Variants in ADGRL2 observed in about 807,000 individuals in gnomAD.
ADGRL2 encodes the protein adhesion G protein-coupled receptor L2.
ADGRL2 carries 44 observed loss-of-function variants against 157.4 expected under a neutral mutation model. The observed-to-expected ratio is 0.28, with a 90% CI of 0.22 to 0.36. The LOEUF (loss-of-function observed/expected upper bound fraction) is 0.36. ADGRL2 is among the 10% of genes least tolerant of loss of function. The pLI, the probability that ADGRL2 is intolerant of heterozygous loss-of-function variation, is 1.00. For missense variants in ADGRL2, 1,510 were observed against 1,768.9 expected, an observed-to-expected ratio of 0.85 and a Z score of 2.63; for synonymous variants, 585 against 624.7, an observed-to-expected ratio of 0.94 and a Z score of 0.95.
chr1:81,512,504 C>T (rs2079098072), intron 2 of ADGRL2, among the ~76,000 whole-genome samples: 1 of 152,016 alleles, frequency 6.6e-6, no homozygotes, highest in African/African-American at 2.4e-5. Context: ...TGATTCTACA[C>T]AATGTTAAAT....
chr1:81,830,392 CAT>C (rs748386003), intron 1 of ADGRL2, among the ~76,000 whole-genome samples: 3 of 152,176 alleles, frequency 2.0e-5, no homozygotes, highest in Non-Finnish European at 4.4e-5. Flanking sequence ...ACTATATTGA[CAT>C]AGTTTGCAAA....
At position 81,784,378 on chromosome 1, in the gene ADGRL2, A is replaced by T. The variant is rs569192952; in HGVS notation, c.-101+22526A>T. Among the ~76,000 whole-genome samples the T allele has an allele frequency of 5.3e-5, 8 of 152,330 alleles. No individual in the cohort carries two copies. In the South Asian group the frequency reaches 6.2e-4, roughly 12 times the overall value. On this transcript the variant is annotated intron_variant, in intron 2 of 20. Transcript: ENST00000359929. ...TCAAATGGTATTTACCATATTCTTGACTGTAGAATTTTAAATAAGAAGTGA... is the reference window on the plus strand; with the variant it reads ...TCAAATGGTATTTACCATATTCTTGTCTGTAGAATTTTAAATAAGAAGTGA...
chr1:81,487,906 G>T (rs546393589), intron 2 of ADGRL2, among the ~76,000 whole-genome samples: 1 of 152,000 alleles, frequency 6.6e-6, no homozygotes, highest in African/African-American at 2.4e-5. Flanking sequence ...GATACACATA[G>T]TAATATATTC....
At chr1:81,417,988 G>T (rs919427385) in intron 1 of ADGRL2, among the ~76,000 whole-genome samples, 3 of 152,054 alleles carry the variant, frequency 2.0e-5, no homozygotes, top group Non-Finnish European at 2.9e-5. Context: ...GGGCTCACTT[G>T]AAAATAACTC....
chr1:81,365,817 A>G (rs577653071), intron 1 of ADGRL2, among the ~76,000 whole-genome samples: 106 of 152,282 alleles, frequency 7.0e-4, no homozygotes, highest in African/African-American at 2.5e-3. Context: ...CATCTCTTTT[A>G]CTGACTAGCT....
rs908908308 is a variant in ADGRL2, at chr1:81,328,081, C to T, written c.-302+21572C>T. Among the ~76,000 whole-genome samples the T allele has an allele frequency of 9.9e-5, 15 of 152,048 alleles. No homozygotes were observed. The East Asian group carries it at 2.1e-3, about 22-fold the overall frequency. On this transcript the variant is annotated intron_variant, in intron 1 of 24. Transcript: ENST00000370721. ...GAAAGTAGTGTCCCAGAGAAGAACA[C>T]GACTACACTGCCTTTCATTCAAAGT...
At chr1:81,597,145 C>G (rs2081250440) in intron 3 of ADGRL2, among the ~76,000 whole-genome samples, 1 of 152,190 alleles carries the variant, frequency 6.6e-6, no homozygotes, top group Non-Finnish European at 1.5e-5. Flanking sequence ...CGTCTCTTCT[C>G]TAATCCTTTG....
intron 3 of ADGRL2, among the ~76,000 whole-genome samples, chr1:81,694,107 T>C (rs1224138144): frequency 2.6e-5 from 4 of 152,036 alleles, no homozygotes; most frequent in Non-Finnish European, 5.9e-5. Flanking sequence ...ACTTTGAAGA[T>C]GACATTAAAC....
chr1:81,486,483 A>AAAAGCT (rs2078503943), intron 2 of ADGRL2, among the ~76,000 whole-genome samples: 1 of 152,240 alleles, frequency 6.6e-6, no homozygotes, highest in Admixed American at 6.5e-5. Context: ...CTGAGATTTT[A>AAAAGCT]AAAGCTAAAT....
chr1:81,782,383 A>T (rs1005063437), intron 2 of ADGRL2, among the ~76,000 whole-genome samples: 1 of 152,212 alleles, frequency 6.6e-6, no homozygotes, highest in African/African-American at 2.4e-5. Flanking sequence ...TAATATATTA[A>T]TGAGGGGGTA....
Position 81,942,054 on chromosome 1 carries a change from C to T in ADGRL2, c.409+9C>T. The T allele has an allele frequency of 1.3e-6, 1 of 770,002 alleles. No individual in the cohort carries two copies. Among genetic ancestry groups the T allele is most frequent in the Non-Finnish European group, 2.4e-6 (1 of 412,936 alleles). The allele number at this position is 770,002 out of a possible 1,614,324, so 47.7% of individuals were successfully genotyped here. A position where few individuals can be genotyped will look rare whatever the true frequency, so the allele number is the denominator to read the frequency against. ...AGAAGTGGAGCAAAAAGGTAAATAA[C>T]ATACAGTCTGAACCCCAGCTCCCTG... is the stretch of plus-strand genomic sequence containing the variant. On this transcript the variant is annotated intron_variant, in intron 5 of 23. Coordinates refer to ENST00000686636, the MANE Select transcript of ADGRL2 (RefSeq NM_001366006.2).
chr1:81,400,789 C>T (rs1465114028), intron 1 of ADGRL2, among the ~76,000 whole-genome samples: 1 of 152,066 alleles, frequency 6.6e-6, no homozygotes, highest in East Asian at 1.9e-4. Flanking sequence ...AGAAGGGTAT[C>T]TCAGCAGTTC....
intron 2 of ADGRL2, among the ~76,000 whole-genome samples, chr1:81,842,974 A>G (rs2092653850): frequency 6.6e-6 from 1 of 152,138 alleles, no homozygotes. Context: ...TTAGCAAGGT[A>G]CTTGGGGATT....
intron 1 of ADGRL2, among the ~76,000 whole-genome samples, chr1:81,373,241 T>C (rs948675987): frequency 5.9e-5 from 9 of 152,206 alleles, no homozygotes; most frequent in African/African-American, 2.2e-4. Flanking sequence ...TTTAGTCCTC[T>C]AAGATGGAGA....
intron 1 of ADGRL2, among the ~76,000 whole-genome samples, chr1:81,428,212 C>T (rs1375922776): frequency 1.3e-5 from 2 of 151,812 alleles, no homozygotes; most frequent in African/African-American, 4.8e-5. Context: ...GACGTGTGGA[C>T]AGAATAGATA....
In ADGRL2 at chr1:81,941,716, A is replaced by G. The variant is rs182032768; in HGVS notation, c.398-318A>G. On this transcript the variant is annotated intron_variant, in intron 4 of 23. Transcript: ENST00000686636. Reference sequence around the variant, plus strand: ...TGAGTGACTTTGGAAAGGCAAGAGTATGTATACCATGCATTAGTGAAGAGT... The same window carrying G: ...TGAGTGACTTTGGAAAGGCAAGAGTGTGTATACCATGCATTAGTGAAGAGT... Among the ~76,000 whole-genome samples, 56 of 152,036 alleles carry G rather than the reference A, an allele frequency of 3.7e-4. 1 individual carries two copies. Among genetic ancestry groups the G allele is most frequent in the African/African-American group, 1.3e-3 (56 of 41,540 alleles).
intron 2 of ADGRL2, among the ~76,000 whole-genome samples, chr1:81,555,476 C>T (rs370887459): frequency 1.1e-4 from 17 of 152,084 alleles, no homozygotes; most frequent in African/African-American, 3.9e-4. Context: ...ACCATATTGG[C>T]CAGTCTGGTC....
chr1:81,625,025 G>A (rs1189200885), intron 3 of ADGRL2, among the ~76,000 whole-genome samples: 1 of 152,144 alleles, frequency 6.6e-6, no homozygotes, highest in Non-Finnish European at 1.5e-5. Flanking sequence ...GTCTTTCTGG[G>A]AGAGTTCAAA....
chr1:81,408,234 T>C (rs986360389), intron 1 of ADGRL2, among the ~76,000 whole-genome samples: 1 of 152,230 alleles, frequency 6.6e-6, no homozygotes, highest in African/African-American at 2.4e-5. Context: ...ATCTAATAGA[T>C]ATTTGTTGTA....
Sources: gnomAD v4.1 joint callset for allele counts (sites outside exome capture counted in the v4.1 genomes callset) on GRCh38, gnomAD v4.1.1 for gene constraint, MANE v1.5 for transcripts, NCBI Gene and HGNC (gene_info 2026-07-23, HGNC 2026-07-21) for gene names.